TG: variants seen among roughly 807,000 people sequenced by gnomAD.
TG encodes the protein thyroglobulin, also known as thyroid hormones.
Under a neutral mutation model 324.7 loss-of-function variants are expected in TG, and 270 were observed. That is an observed-to-expected ratio of 0.83 (90% confidence interval 0.75 to 0.92). The LOEUF (loss-of-function observed/expected upper bound fraction) is 0.92. Ranked by LOEUF, TG falls within the 40% of genes least tolerant of loss-of-function variation. The pLI, the probability that TG is intolerant of heterozygous loss-of-function variation, is 0.00. For synonymous variants in TG, 1,401 were observed against 1,327.0 expected, an observed-to-expected ratio of 1.06 and a Z score of -1.21; for missense variants, 3,591 against 3,456.4, an observed-to-expected ratio of 1.04 and a Z score of -0.98.
At chr8:133,068,019 C>T (rs1436931454) in intron 41 of TG, among the ~76,000 whole-genome samples, 1 of 152,080 alleles carries the variant, frequency 6.6e-6, no homozygotes, top group African/African-American at 2.4e-5. Context: ...GGAGTAGCTG[C>T]CTGGGGCTGG....
chr8:133,020,218 A>T (rs1391344359), intron 39 of TG, among the ~76,000 whole-genome samples: 2 of 152,168 alleles, frequency 1.3e-5, no homozygotes, highest in African/African-American at 4.8e-5. Flanking sequence ...TTCTTAGGGC[A>T]TTTCCCAGTA....
intron 26 of TG, among the ~76,000 whole-genome samples, chr8:132,946,813 A>C (rs1290193824): frequency 6.6e-6 from 1 of 152,176 alleles, no homozygotes; most frequent in Non-Finnish European, 1.5e-5. Context: ...TATGACCAGC[A>C]AAGTGACTTC....
intron 5 of TG, among the ~76,000 whole-genome samples, chr8:132,878,605 T>A: frequency 6.9e-6 from 1 of 144,712 alleles, no homozygotes; most frequent in Non-Finnish European, 1.5e-5. Flanking sequence ...CGAGACTCTG[T>A]CTCAAAAAAA....
rs553744615 is a variant in TG at position 132,870,247 on chromosome 8, C to A, written c.274+421C>A. 1.1e-4 allele frequency among the ~76,000 whole-genome samples: 16 copies of A among 151,894 alleles called. No homozygotes were observed. The South Asian group carries it at 3.3e-3, about 32-fold the overall frequency. On this transcript the variant is annotated intron_variant, in intron 3 of 47. Coordinates refer to ENST00000220616, the MANE Select transcript of TG (RefSeq NM_003235.5). ...AAAGAAACACAGTCCCTATTTAAAG[C>A]ATGTCATAACTCTAAAACAATGGTT...
At chr8:132,953,871 CA>C (rs1826463034) in intron 27 of TG, among the ~76,000 whole-genome samples, 1 of 151,990 alleles carries the variant, frequency 6.6e-6, no homozygotes, top group African/African-American at 2.4e-5. Context: ...TCTTATTTGT[CA>C]GAAAAACATC....
chr8:133,000,973 G>A (rs1228859177), intron 35 of TG, among the ~76,000 whole-genome samples: 1 of 152,102 alleles, frequency 6.6e-6, no homozygotes, highest in Non-Finnish European at 1.5e-5. Flanking sequence ...AGGTCCCTGT[G>A]GGAAGGATCT....
chr8:133,051,086 A>G (rs1174949488), intron 41 of TG, among the ~76,000 whole-genome samples: 7 of 152,196 alleles, frequency 4.6e-5, no homozygotes, highest in Admixed American at 4.6e-4. Flanking sequence ...ATGGCTCTGC[A>G]GGGTGTGCGT....
intron 45 of TG, among the ~76,000 whole-genome samples, chr8:133,126,754 G>A (rs1322614355): frequency 6.6e-6 from 1 of 151,714 alleles, no homozygotes; most frequent in Non-Finnish European, 1.5e-5. Context: ...ACGCTTATAA[G>A]CTTCTAGTCA....
chr8:132,992,180 T>G (rs961005317), intron 35 of TG, among the ~76,000 whole-genome samples: 2 of 152,154 alleles, frequency 1.3e-5, no homozygotes, highest in African/African-American at 4.8e-5. Context: ...GGGGTACGGC[T>G]GTAAATGAGC....
At chr8:132,939,192 G>A (rs1442098855) in intron 25 of TG, among the ~76,000 whole-genome samples, 2 of 152,144 alleles carry the variant, frequency 1.3e-5, no homozygotes, top group Non-Finnish European at 2.9e-5. Flanking sequence ...TGATGGAAAC[G>A]GTCTACAAAT....
chr8:132,959,499 CT>C (rs535257979), intron 27 of TG, among the ~76,000 whole-genome samples: 30 of 152,212 alleles, frequency 2.0e-4, no homozygotes, highest in African/African-American at 3.1e-4. Context: ...GATGCTGGGA[CT>C]TTTTTTGTAT....
At chr8:133,128,861 T>C (rs1024135919) in intron 45 of TG, among the ~76,000 whole-genome samples, 10 of 152,340 alleles carry the variant, frequency 6.6e-5, no homozygotes, top group African/African-American at 1.9e-4. Context: ...GATTTATCAG[T>C]GATCAGACAC....
intron 41 of TG, among the ~76,000 whole-genome samples, chr8:133,059,907 C>T (rs1123672): frequency 0.2 from 30,171 of 152,174 alleles, 3,163 homozygotes; most frequent in Non-Finnish European, 0.22. Flanking sequence ...TCAGGTGCGC[C>T]GAGCACCCAA....
At chr8:132,898,943 G>T in intron 14 of TG, 33 bp downstream of exon 14, 1 of 1,575,480 alleles carries the variant, frequency 6.3e-7, no homozygotes, top group Non-Finnish European at 8.7e-7. Flanking sequence ...TTGGAGCCGG[G>T]ACTTGTCCCC....
intron 41 of TG, among the ~76,000 whole-genome samples, chr8:133,081,982 A>G (rs1845825187): frequency 6.6e-6 from 1 of 152,216 alleles, no homozygotes; most frequent in Non-Finnish European, 1.5e-5. Flanking sequence ...TGTAGCCAGG[A>G]ATGTTGAAAC....
chr8:132,934,102 G>A (rs549360423), intron 24 of TG, among the ~76,000 whole-genome samples: 1 of 152,290 alleles, frequency 6.6e-6, no homozygotes, highest in South Asian at 2.1e-4. Context: ...GGAGGCCTAG[G>A]CGGGTGGATC....
chr8:132,964,643 T>C (rs777368231), intron 29 of TG: 53 of 462,116 alleles, frequency 1.1e-4, no homozygotes, highest in Non-Finnish European at 1.8e-4. Flanking sequence ...TTAAGAGAAA[T>C]AGGAAATGGC....
chr8:133,013,759 A>G lies in TG; in HGVS notation c.6557A>G (p.Lys2186Arg). The change falls in exon 37 of 48, where the codon AAG (lysine) becomes AGG (arginine). Residue 2186 changes from lysine (K) to arginine (R), a missense_variant. Physicochemically the swap from Lys to Arg is conservative, Grantham distance 26. Coordinates refer to ENST00000220616, the MANE Select transcript of TG (RefSeq NM_003235.5). ...GAAGAGGCCACCCACATCTACCGGAAGCCAGGTAAGCCCAAGCCTATGCCT... is the reference window on the plus strand; with the variant it reads ...GAAGAGGCCACCCACATCTACCGGAGGCCAGGTAAGCCCAAGCCTATGCCT... ...LREEATHIYR[K>R]PGISLLSYEA... 6.2e-7 allele frequency: 1 copy of G among 1,609,752 alleles called. No individual in the cohort carries two copies. The highest frequency in any genetic ancestry group is 1.1e-5 in the South Asian group (1 of 91,032).
chr8:132,988,235 A>AGCCCACCT (rs1831845104), intron 35 of TG, among the ~76,000 whole-genome samples: 1 of 152,170 alleles, frequency 6.6e-6, no homozygotes, highest in African/African-American at 2.4e-5. Flanking sequence ...AGGCAGGAAA[A>AGCCCACCT]GCACCACAAA....
Sources: allele counts gnomAD v4.1 joint callset (sites outside exome capture counted in the v4.1 genomes callset), GRCh38; gene constraint gnomAD v4.1.1; transcripts MANE v1.5; gene names NCBI Gene and HGNC (gene_info 2026-07-23, HGNC 2026-07-21).